Variants in PDE4B observed in about 807,000 individuals in gnomAD.
The protein encoded by PDE4B is phosphodiesterase 4B.
PDE4B carries 20 observed loss-of-function variants against 82.2 expected under a neutral mutation model. That is an observed-to-expected ratio of 0.24 (90% CI 0.17 to 0.35). The LOEUF (loss-of-function observed/expected upper bound fraction) is 0.35, where lower values mean the gene tolerates loss of function less well. Ranked by LOEUF, PDE4B falls within the 10% of genes least tolerant of loss-of-function variation. PDE4B has a pLI of 1.00. For synonymous variants in PDE4B, 320 were observed against 318.9 expected (o/e 1.00, Z -0.04); for missense variants, 655 against 907.2 (o/e 0.72, Z 3.57).
At chr1:66,092,183 A>G (rs543330010) in intron 3 of PDE4B, among the ~76,000 whole-genome samples, 11 of 152,206 alleles carry the variant, frequency 7.2e-5, no homozygotes, top group African/African-American at 2.6e-4. Context: ...AATATAATTA[A>G]TACATCAGAA....
intron 3 of PDE4B, among the ~76,000 whole-genome samples, chr1:66,200,056 G>C (rs549623454): frequency 0.039 from 5,893 of 151,916 alleles, 220 homozygotes; most frequent in African/African-American, 0.1. Flanking sequence ...TTTCAGCTTT[G>C]TACATATGGC....
At chr1:66,145,064 A>C (rs957462047) in intron 3 of PDE4B, among the ~76,000 whole-genome samples, 1 of 152,228 alleles carries the variant, frequency 6.6e-6, no homozygotes, top group African/African-American at 2.4e-5. Flanking sequence ...GTAGCAATCT[A>C]CAAACTTGAC....
chr1:65,800,817 A>G (rs950198642), intron 1 of PDE4B, among the ~76,000 whole-genome samples: 1 of 152,232 alleles, frequency 6.6e-6, no homozygotes, highest in South Asian at 2.1e-4. Flanking sequence ...CTATATGGGT[A>G]TAGCACATAG....
At chr1:65,937,801 G>A (rs1266772547) in intron 3 of PDE4B, among the ~76,000 whole-genome samples, 2 of 152,154 alleles carry the variant, frequency 1.3e-5, no homozygotes, top group African/African-American at 4.8e-5. Flanking sequence ...TAGAATATGG[G>A]AAGTGCAGGT....
At chr1:66,203,212 G>A (rs1247039885) in intron 3 of PDE4B, among the ~76,000 whole-genome samples, 1 of 152,170 alleles carries the variant, frequency 6.6e-6, no homozygotes, top group Non-Finnish European at 1.5e-5. Context: ...TCTGCCGAGA[G>A]ATCTGCTGTT....
At chr1:66,312,802 C>T (rs764521167) in intron 7 of PDE4B, among the ~76,000 whole-genome samples, 16 of 152,200 alleles carry the variant, frequency 1.1e-4, no homozygotes, top group Non-Finnish European at 1.6e-4. Context: ...TATTTATGAT[C>T]TGTGATGACC....
chr1:66,357,792 T>G (rs1451503318), intron 9 of PDE4B, among the ~76,000 whole-genome samples: 2 of 152,090 alleles, frequency 1.3e-5, no homozygotes, highest in Non-Finnish European at 2.9e-5. Context: ...ATCAGTTGCC[T>G]CACTTGTAAA....
chr1:65,836,837 C>CA (rs1420808929), intron 1 of PDE4B, among the ~76,000 whole-genome samples: 4 of 152,114 alleles, frequency 2.6e-5, no homozygotes, highest in Non-Finnish European at 5.9e-5. Flanking sequence ...TTCATGAAGG[C>CA]AAAAGGGCAT....
At chr1:66,323,577 C>T (rs1266028024) in intron 7 of PDE4B, among the ~76,000 whole-genome samples, 2 of 152,096 alleles carry the variant, frequency 1.3e-5, no homozygotes, top group African/African-American at 2.4e-5. Context: ...AATTATTTAT[C>T]GTATCATATT....
chr1:65,900,167 C>G (rs1259621639), intron 1 of PDE4B, among the ~76,000 whole-genome samples: 1 of 152,046 alleles, frequency 6.6e-6, no homozygotes, highest in Admixed American at 6.6e-5. Flanking sequence ...CAGTTTCATT[C>G]TTCTTCCTAT....
intron 3 of PDE4B, among the ~76,000 whole-genome samples, chr1:66,001,483 A>G (rs1166234491): frequency 2.0e-5 from 3 of 152,110 alleles, no homozygotes; most frequent in Admixed American, 6.5e-5. Context: ...ATTTATTAGT[A>G]ATTTATTCCC....
chr1:66,344,795 T>A (rs537250537), intron 8 of PDE4B, among the ~76,000 whole-genome samples: 1 of 152,228 alleles, frequency 6.6e-6, no homozygotes, highest in Non-Finnish European at 1.5e-5. Context: ...TCTAATCACA[T>A]GATCCAGGAC....
At chr1:66,335,197 G>A (rs1426455662) in intron 8 of PDE4B, among the ~76,000 whole-genome samples, 1 of 152,198 alleles carries the variant, frequency 6.6e-6, no homozygotes, top group African/African-American at 2.4e-5. Flanking sequence ...GTGAAGAAAT[G>A]TTATAGAGGG....
At chr1:66,208,269 T>G (rs144623925) in intron 3 of PDE4B, among the ~76,000 whole-genome samples, 2 of 152,302 alleles carry the variant, frequency 1.3e-5, no homozygotes, top group African/African-American at 4.8e-5. Context: ...ATTATTGATA[T>G]TGGTTGCTTT....
At chr1:65,976,612 C>T (rs535018060) in intron 3 of PDE4B, among the ~76,000 whole-genome samples, 10 of 152,064 alleles carry the variant, frequency 6.6e-5, no homozygotes, top group East Asian at 3.9e-4. Flanking sequence ...AAATTGGAGG[C>T]GGGACCTGGT....
At position 66,281,191 on chromosome 1, in the gene PDE4B, A is replaced by G. The variant is rs142952603; in HGVS notation, c.634+15104A>G. 3.1e-4 allele frequency among the ~76,000 whole-genome samples: 48 copies of G among 152,386 alleles called. 1 individual carries two copies. Among genetic ancestry groups the G allele is most frequent in the African/African-American group, 1.1e-3 (47 of 41,598 alleles). On this transcript the variant is annotated intron_variant, in intron 7 of 16. Transcript: ENST00000341517. ...ACATTACTCCCTCTGCTTCTGCAGA[A>G]GTGGAACATGCTTCTACAATTCCCT... is the stretch of plus-strand genomic sequence containing the variant.
intron 3 of PDE4B, among the ~76,000 whole-genome samples, chr1:66,045,787 A>G (rs149333178): frequency 3.5e-4 from 53 of 151,600 alleles, no homozygotes; most frequent in African/African-American, 1.3e-3. Context: ...TAAGAGTCTG[A>G]CTAAGAATAT....
intron 7 of PDE4B, among the ~76,000 whole-genome samples, chr1:66,326,384 C>T (rs1267468931): frequency 6.6e-6 from 1 of 152,214 alleles, no homozygotes; most frequent in African/African-American, 2.4e-5. Flanking sequence ...CTCCTGGTCA[C>T]TAAGCCCACA....
In PDE4B at chr1:66,325,545, C is replaced by T. The variant is rs1031367669; in HGVS notation, c.635-6963C>T. 3.3e-5 allele frequency among the ~76,000 whole-genome samples: 5 copies of T among 152,166 alleles called. No homozygotes were observed. The East Asian group carries it at 9.6e-4, about 29-fold the overall frequency. On this transcript the variant is annotated intron_variant, in intron 7 of 16. Coordinates refer to ENST00000341517, the MANE Select transcript of PDE4B (RefSeq NM_002600.4). ...CTGAAAGGCCACTGACCTGGTATGT[C>T]AGTTAGAATTTTGTGAAAAAACGAT...
Sources: allele counts gnomAD v4.1 joint callset (sites outside exome capture counted in the v4.1 genomes callset), GRCh38; gene constraint gnomAD v4.1.1; transcripts MANE v1.5; gene names NCBI Gene and HGNC (gene_info 2026-07-23, HGNC 2026-07-21).